Variants in TBL1X observed in about 807,000 individuals in gnomAD.
The protein encoded by TBL1X is F-box-like/WD repeat-containing protein TBL1X.
Under a neutral mutation model 50.7 loss-of-function variants are expected in TBL1X, and 10 were observed. That is an observed-to-expected ratio of 0.20 (90% CI 0.12 to 0.33). The LOEUF (loss-of-function observed/expected upper bound fraction) is 0.33. Ranked by LOEUF, TBL1X falls within the 10% of genes least tolerant of loss-of-function variation. The pLI is 1.00. For synonymous variants in TBL1X, 190 were observed against 214.7 expected, an observed-to-expected ratio of 0.88 and a Z score of 1.01; for missense variants, 340 against 504.4, an observed-to-expected ratio of 0.67 and a Z score of 3.12.
chrX:9,636,485 A>AAC (rs2082747651), intron 2 of TBL1X: 1 of 101,524 alleles, frequency 9.8e-6, no homozygotes, highest in Non-Finnish European at 2.0e-5. Context: ...AAACAAAGCA[A>AAC]AACAACAACA....
intron 2 of TBL1X, among the ~76,000 whole-genome samples, chrX:9,609,336 G>GGGGTGTGTGTGTGTGTGTGT (rs1555900202): frequency 1.1e-5 from 1 of 94,774 alleles, no homozygotes; most frequent in Non-Finnish European, 2.1e-5. Context: ...TTTTCTTCCA[G>GGGGTGTGTGTGTGTGTGTGT]GTGTGTGTGT....
chrX:9,689,568 C>T (rs1219378780), intron 7 of TBL1X, among the ~76,000 whole-genome samples: 1 of 111,805 alleles, frequency 8.9e-6, no homozygotes, highest in Admixed American at 9.4e-5. Context: ...CCAGAGTTCA[C>T]CCTGGTTGAA....
At chrX:9,491,696 G>A (rs1180901100) in intron 1 of TBL1X, among the ~76,000 whole-genome samples, 1 of 110,669 alleles carries the variant, frequency 9.0e-6, no homozygotes, top group Non-Finnish European at 1.9e-5. Context: ...TATAAATCCT[G>A]TTTCTAGGCT....
Position 9,532,274 on chromosome X carries a change from T to C in TBL1X, c.-131+30425T>C, listed in dbSNP as rs1268076399. On this transcript the variant is annotated intron_variant, in intron 2 of 17. Transcript: ENST00000645353. ...CAATTAACAGATTTCTGCCCCACCC[T>C]GGACATCTGAGCGTTAACTGATTTG... 1.8e-4 allele frequency among the ~76,000 whole-genome samples: 20 copies of C among 112,009 alleles called. No individual in the cohort carries two copies. In the Admixed American group the frequency reaches 1.9e-3, roughly 11 times the overall value.
chrX:9,614,418 C>T (rs1051222138), intron 2 of TBL1X, among the ~76,000 whole-genome samples: 3 of 111,112 alleles, frequency 2.7e-5, no homozygotes, highest in Non-Finnish European at 5.7e-5. Context: ...AAAAATTAGC[C>T]GGATGTGTTG....
chrX:9,558,677 C>A (rs1046459543), intron 2 of TBL1X, among the ~76,000 whole-genome samples: 2 of 110,862 alleles, frequency 1.8e-5, no homozygotes, highest in African/African-American at 6.6e-5. Context: ...TTACTAGGCA[C>A]CTGTTAAAAA....
intron 1 of TBL1X, among the ~76,000 whole-genome samples, chrX:9,485,639 G>A (rs928445889): frequency 8.9e-6 from 1 of 111,988 alleles, no homozygotes. Flanking sequence ...CATGAGACGA[G>A]TTTGTAGCTG....
chrX:9,555,540 A>G (rs1291626375), intron 2 of TBL1X, among the ~76,000 whole-genome samples: 1 of 111,523 alleles, frequency 9.0e-6, no homozygotes, highest in Non-Finnish European at 1.9e-5. Flanking sequence ...ATATGCTTTT[A>G]TTCCTCTGGG....
intron 13 of TBL1X, among the ~76,000 whole-genome samples, chrX:9,708,445 A>G (rs766187795): frequency 3.0e-4 from 33 of 111,552 alleles, no homozygotes; most frequent in South Asian, 7.4e-4. Context: ...CCCATCTTCC[A>G]CCTGGATCAG....
At chrX:9,667,172 G>C (rs2082935666) in intron 5 of TBL1X, among the ~76,000 whole-genome samples, 1 of 111,641 alleles carries the variant, frequency 9.0e-6, no homozygotes, top group African/African-American at 3.3e-5. Context: ...TGAGGCAGGA[G>C]AATGGTGTGA....
chrX:9,625,873 G>A (rs1034876831), intron 2 of TBL1X, among the ~76,000 whole-genome samples: 5 of 112,262 alleles, frequency 4.5e-5, no homozygotes, highest in African/African-American at 1.3e-4. Context: ...CGGCGGGGGG[G>A]CGGAGGTTAC....
chrX:9,546,580 T>C (rs2082243503), intron 2 of TBL1X, among the ~76,000 whole-genome samples: 1 of 111,540 alleles, frequency 9.0e-6, no homozygotes, highest in South Asian at 3.7e-4. Context: ...ATGTGTTGTC[T>C]GTTAACAGTT....
At chrX:9,603,923 C>G (rs1462384676) in intron 2 of TBL1X, among the ~76,000 whole-genome samples, 1 of 111,418 alleles carries the variant, frequency 9.0e-6, no homozygotes, top group Non-Finnish European at 1.9e-5. Flanking sequence ...CCCTGGGTGT[C>G]TCTGTCTTCT....
At chrX:9,643,781 G>A (rs1268819416) in intron 3 of TBL1X, among the ~76,000 whole-genome samples, 1 of 111,573 alleles carries the variant, frequency 9.0e-6, no homozygotes, top group East Asian at 2.8e-4. Flanking sequence ...GAATCACTTG[G>A]GCCTGGGAGG....
At chrX:9,633,947 G>A (rs911974810) in intron 2 of TBL1X, among the ~76,000 whole-genome samples, 4 of 111,279 alleles carry the variant, frequency 3.6e-5, no homozygotes, top group Non-Finnish European at 5.7e-5. Flanking sequence ...CACAGGATAC[G>A]TGCTGCCCAG....
At chrX:9,464,773 C>T (rs2146915333), upstream of TBL1X, among the ~76,000 whole-genome samples, 1 of 111,432 alleles carries the variant, frequency 9.0e-6, no homozygotes, top group African/African-American at 3.3e-5. Context: ...GGCCCGGGTT[C>T]CCCTCACCCA....
At chrX:9,652,850 C>CAAA (rs750794158) in intron 3 of TBL1X, among the ~76,000 whole-genome samples, 1 of 55,401 alleles carries the variant, frequency 1.8e-5, no homozygotes, top group African/African-American at 6.5e-5. Context: ...GACTCTGTCT[C>CAAA]AAAAAAAAAA....
At chrX:9,622,874 G>A (rs73478830) in intron 2 of TBL1X, among the ~76,000 whole-genome samples, 2,087 of 111,658 alleles carry the variant, frequency 0.019, 44 homozygotes, top group African/African-American at 0.064. Context: ...CCACTCATCC[G>A]TTCATAGACA....
At chrX:9,677,005 G>A (rs1322137051) in intron 5 of TBL1X, among the ~76,000 whole-genome samples, 1 of 111,591 alleles carries the variant, frequency 9.0e-6, no homozygotes, top group Non-Finnish European at 1.9e-5. Flanking sequence ...TAATTCCCTC[G>A]CCTTTTCTGT....
Sources: allele counts gnomAD v4.1 joint callset (sites outside exome capture counted in the v4.1 genomes callset), GRCh38; gene constraint gnomAD v4.1.1; transcripts MANE v1.5; gene names NCBI Gene and HGNC (gene_info 2026-07-23, HGNC 2026-07-21).